SKI: variants seen among roughly 807,000 people sequenced by gnomAD.
SKI encodes ski oncogene.
In SKI, 23 loss-of-function variants were observed where a neutral mutation model predicts 59.3. That is an observed-to-expected ratio of 0.39 (90% CI 0.28 to 0.55). The LOEUF (loss-of-function observed/expected upper bound fraction) is 0.55. Among genes scored for constraint, SKI ranks in the 20% least tolerant of loss-of-function variants. The probability of loss-of-function intolerance (pLI) is 0.67; values close to 1 mark genes in which losing one functional copy is unlikely to be tolerated. For synonymous variants in SKI, 673 were observed against 488.6 expected (o/e 1.38, Z -4.98); for missense variants, 1,017 against 1,038.9 (o/e 0.98, Z 0.29).
intron 1 of SKI, among the ~76,000 whole-genome samples, chr1:2,243,820 C>T (rs1410672327): frequency 1.3e-5 from 2 of 152,180 alleles, no homozygotes; most frequent in Non-Finnish European, 2.9e-5. Context: ...ACGCAATACA[C>T]ATCTCTATAG....
rs756523672 is a variant in SKI, at chr1:2,257,460, C to G, written c.969+27725C>G. Among the ~76,000 whole-genome samples the G allele has an allele frequency of 5.9e-5, 9 of 152,380 alleles. No individual in the cohort carries two copies. The Middle Eastern group carries it at 0.01, about 173-fold the overall frequency. ...GTGGCGCTTTGGTGCCAGAGCGCGT[C>G]GGCGTGGCTCCCTAGCGTCTGCCTC... is the stretch of plus-strand genomic sequence containing the variant. On this transcript the variant is annotated intron_variant, in intron 1 of 6. Transcript: ENST00000378536.
intron 1 of SKI, among the ~76,000 whole-genome samples, chr1:2,248,777 A>G (rs2100819766): frequency 6.6e-6 from 1 of 152,230 alleles, no homozygotes; most frequent in African/African-American, 2.4e-5. Flanking sequence ...CTTTTTGATT[A>G]TTTCAGTCAA....
chr1:2,249,343 C>T (rs1377912442), intron 1 of SKI, among the ~76,000 whole-genome samples: 1 of 152,220 alleles, frequency 6.6e-6, no homozygotes, highest in South Asian at 2.1e-4. Flanking sequence ...CTAGCGTTGC[C>T]GGCCACGCAG....
At chr1:2,280,431 C>CGA (rs1400273055) in intron 1 of SKI, among the ~76,000 whole-genome samples, 1 of 151,838 alleles carries the variant, frequency 6.6e-6, no homozygotes, top group African/African-American at 2.4e-5. Flanking sequence ...GCCCCTTCTA[C>CGA]CCTCGTTGGG....
At chr1:2,306,421 C>T (rs566482349) in intron 6 of SKI, among the ~76,000 whole-genome samples, 156 bp from the exon 7 acceptor site, 1 of 152,176 alleles carries the variant, frequency 6.6e-6, no homozygotes, top group African/African-American at 2.4e-5. Flanking sequence ...CTGGGCCCTG[C>T]GTCTCGTGAG....
At chr1:2,305,061 C>A (rs1640533254) in intron 5 of SKI, among the ~76,000 whole-genome samples, 1 of 152,218 alleles carries the variant, frequency 6.6e-6, no homozygotes, top group African/African-American at 2.4e-5. Flanking sequence ...GGCGTGCTTA[C>A]TAATGCCTGG....
chr1:2,299,035 C>G (rs1557848060), intron 1 of SKI, among the ~76,000 whole-genome samples: 1 of 152,190 alleles, frequency 6.6e-6, no homozygotes, highest in Non-Finnish European at 1.5e-5. Flanking sequence ...ACAGCAGGCT[C>G]TATGTGGTTG....
At chr1:2,297,425 G>A (rs967677968) in intron 1 of SKI, among the ~76,000 whole-genome samples, 2 of 152,198 alleles carry the variant, frequency 1.3e-5, no homozygotes, top group African/African-American at 2.4e-5. Context: ...CGCTCACCAC[G>A]CTGTGGGCGG....
chr1:2,233,669 G>A (rs942454065), intron 1 of SKI, among the ~76,000 whole-genome samples: 1 of 152,162 alleles, frequency 6.6e-6, no homozygotes, highest in Non-Finnish European at 1.5e-5. Context: ...GTTTCTTCAG[G>A]CAGGTGCCCA....
rs1639526473 is a variant in SKI, at chr1:2,267,561, G to T, written c.970-35417G>T. 6.6e-6 allele frequency among the ~76,000 whole-genome samples: 1 copy of T among 152,204 alleles called. No individual in the cohort carries two copies. The highest frequency in any genetic ancestry group is 6.5e-5 in the Admixed American group (1 of 15,288). ...CTTTGGGATTGGGCCAGGCCTGAGG[G>T]CACTGAGGGAGTGGGGCATTAGGGG... On this transcript the variant is annotated intron_variant, in intron 1 of 6. Transcript: ENST00000378536. This position sits in a 1 kb window ranked among gnomAD's most constrained non-coding sequence, Gnocchi z 4.1.
chr1:2,258,394 C>T (rs565292825), intron 1 of SKI, among the ~76,000 whole-genome samples: 111 of 152,008 alleles, frequency 7.3e-4, no homozygotes, highest in African/African-American at 1.9e-3. Flanking sequence ...GAGCGTGCTA[C>T]GGCGTCATGG....
Position 2,306,337 on chromosome 1 carries a change from G to A in SKI, c.1998+87G>A. ...GTGGCCAGTCCTGCCCAGCCGGAAAGGCCTTGGAGCAGAAGCCAGGCCCGG... is the reference window on the plus strand; with the variant it reads ...GTGGCCAGTCCTGCCCAGCCGGAAAAGCCTTGGAGCAGAAGCCAGGCCCGG... On this transcript the variant is annotated intron_variant, in intron 6 of 6. Coordinates refer to ENST00000378536, the MANE Select transcript of SKI (RefSeq NM_003036.4). 2.3e-6 allele frequency: 3 copies of A among 1,287,176 alleles called. No individual in the cohort carries two copies. In the South Asian group the frequency reaches 4.5e-5, roughly 19 times the overall value. 79.7% of individuals were successfully genotyped at this position (1,287,176 alleles called of 1,614,324 possible).
In SKI at chr1:2,228,963, C is replaced by T; in HGVS notation, c.197C>T (p.Ala66Val). 7.0e-7 allele frequency: 1 copy of T among 1,429,388 alleles called. No homozygotes were observed. The highest frequency in any genetic ancestry group is 1.4e-5 in the South Asian group (1 of 71,686). The allele number at this position is 1,429,388 out of a possible 1,614,324, so 88.5% of individuals were successfully genotyped here. Reference sequence around the variant, plus strand: ...GCCGCGGTGCCGGCGCCGGTGCCCGCAGCCACCGAGCCGCCGCCCGTGCTG... The same window carrying T: ...GCCGCGGTGCCGGCGCCGGTGCCCGTAGCCACCGAGCCGCCGCCCGTGCTG... Reference protein sequence around the residue: ...GAAAVPAPVPAATEPPPVLHL... With the variant: ...GAAAVPAPVPVATEPPPVLHL... Residue 66 changes from alanine (A) to valine (V), a missense_variant, in exon 1 of 7, where the codon GCA becomes GTA. By Grantham distance (64) the Ala-to-Val change is moderately conservative. Coordinates refer to ENST00000378536, the MANE Select transcript of SKI (RefSeq NM_003036.4).
At position 2,250,304 on chromosome 1, in the gene SKI, C is replaced by T. The variant is rs552850420; in HGVS notation, c.969+20569C>T. 3.3e-5 allele frequency among the ~76,000 whole-genome samples: 5 copies of T among 152,304 alleles called. No homozygotes were observed. The South Asian group carries it at 1.0e-3, about 32-fold the overall frequency. ...GTCCCGTGTGGTGCTGGGTAGCCCT[C>T]GTGCCGCTCTCTGGCCGTCCCAGAA... On this transcript the variant is annotated intron_variant, in intron 1 of 6. Coordinates refer to ENST00000378536, the MANE Select transcript of SKI (RefSeq NM_003036.4).
At chr1:2,280,181 G>A (rs1332200911) in intron 1 of SKI, among the ~76,000 whole-genome samples, 2 of 151,380 alleles carry the variant, frequency 1.3e-5, no homozygotes, top group African/African-American at 4.9e-5. Context: ...TAGCCTGGCT[G>A]ATATGGTGAA....
chr1:2,245,659 G>A (rs1278392125), intron 1 of SKI, among the ~76,000 whole-genome samples: 1 of 150,468 alleles, frequency 6.6e-6, no homozygotes, highest in African/African-American at 2.5e-5. Context: ...TATTTTTAGT[G>A]GAGATGGGGT....
Position 2,307,159 on chromosome 1 carries a change from A to AC in SKI, c.*397dup, listed in dbSNP as rs1640613060. The AC allele has an allele frequency of 6.5e-6, 1 of 154,582 alleles. No individual in the cohort carries two copies. Among genetic ancestry groups the AC allele is most frequent in the Non-Finnish European group, 1.4e-5 (1 of 69,642 alleles). The allele number at this position is 154,582 out of a possible 1,614,324, so 9.6% of individuals were successfully genotyped here. The stretch of plus-strand genomic sequence containing the variant: ...CCCCAACACATGACGCCATCTGAAG[A>AC]CCCGCAACGGAGTGGGGGTGGCGGC... On this transcript the variant is annotated 3_prime_UTR_variant, in exon 7 of 7. Transcript: ENST00000378536.
intron 1 of SKI, among the ~76,000 whole-genome samples, chr1:2,248,427 C>T (rs980128586): frequency 6.6e-6 from 1 of 152,200 alleles, no homozygotes. Context: ...TAATGAGGGG[C>T]GCCGCAGGGT....
intron 1 of SKI, among the ~76,000 whole-genome samples, chr1:2,276,083 G>A (rs945529869): frequency 6.6e-6 from 1 of 152,238 alleles, no homozygotes; most frequent in Non-Finnish European, 1.5e-5. Context: ...CTGAGCAAGG[G>A]CTGGTTGCTC....
Sources: allele counts gnomAD v4.1 joint callset (sites outside exome capture counted in the v4.1 genomes callset), GRCh38; gene constraint gnomAD v4.1.1; non-coding constraint Gnocchi (gnomAD v3.1); transcripts MANE v1.5; gene names NCBI Gene and HGNC (gene_info 2026-07-23, HGNC 2026-07-21).